The following C1QTNF7 variants were observed in gnomAD, a reference collection of about 807,000 sequenced individuals.
The protein encoded by C1QTNF7 is complement C1q tumor necrosis factor-related protein 7.
In C1QTNF7, 15 loss-of-function variants were observed where a neutral mutation model predicts 19.6. That is an observed-to-expected ratio of 0.76 (90% CI 0.51 to 1.18). The LOEUF is 1.18. Ranked by LOEUF, C1QTNF7 falls within the 50% of genes most tolerant of loss-of-function variation. C1QTNF7 has a pLI of 0.00. For missense variants in C1QTNF7, 324 were observed against 359.7 expected, an observed-to-expected ratio of 0.90 and a Z score of 0.80; for synonymous variants, 142 against 137.5, an observed-to-expected ratio of 1.03 and a Z score of -0.23.
chr4:15,348,601 T>C (rs992843387), intron 1 of C1QTNF7, among the ~76,000 whole-genome samples: 33 of 152,288 alleles, frequency 2.2e-4, no homozygotes, highest in Middle Eastern at 3.4e-3. Flanking sequence ...AGACTTAGGT[T>C]GCATGCCTTA....
intron 1 of C1QTNF7, among the ~76,000 whole-genome samples, chr4:15,357,484 G>A (rs1017079728): frequency 4.6e-5 from 7 of 152,116 alleles, no homozygotes; most frequent in Non-Finnish European, 7.4e-5. Context: ...TTTTGTTACT[G>A]CAGCCTTGTA....
chr4:15,445,624 C>A lies in C1QTNF7; in HGVS notation c.*2825C>A, dbSNP rs961830454. ...AAAGAGGAGCTGTTTTGGTATTAAACGAATAAAATCTTAAGCAAATATAGG... is the reference window on the plus strand; with the variant it reads ...AAAGAGGAGCTGTTTTGGTATTAAAAGAATAAAATCTTAAGCAAATATAGG... On this transcript the variant is annotated 3_prime_UTR_variant, in exon 3 of 3. Transcript: ENST00000444304. The A allele has an allele frequency of 1.2e-4, 18 of 152,086 alleles. No individual in the cohort carries two copies. Among genetic ancestry groups the A allele is most frequent in the African/African-American group, 4.3e-4 (18 of 41,430 alleles). The allele number at this position is 152,086 out of a possible 1,614,324, so 9.4% of individuals were successfully genotyped here.
intron 1 of C1QTNF7, among the ~76,000 whole-genome samples, chr4:15,387,975 A>G (rs1343642490): frequency 6.6e-6 from 1 of 152,316 alleles, no homozygotes; most frequent in East Asian, 1.9e-4. Flanking sequence ...GATGGTATCC[A>G]GGGCACAGGT....
chr4:15,377,751 A>G (rs959671544), intron 1 of C1QTNF7, among the ~76,000 whole-genome samples: 4 of 152,176 alleles, frequency 2.6e-5, no homozygotes, highest in African/African-American at 9.7e-5. Context: ...TTGAAGCAAA[A>G]TATCCCTGAC....
chr4:15,437,412 G>A (rs1191226299), intron 2 of C1QTNF7, among the ~76,000 whole-genome samples: 1 of 152,012 alleles, frequency 6.6e-6, no homozygotes, highest in Non-Finnish European at 1.5e-5. Flanking sequence ...ACTGCCATGT[G>A]ATAAAAACTC....
chr4:15,436,055 T>C, intron 2 of C1QTNF7, 74 bp downstream of exon 2: 1 of 1,536,566 alleles, frequency 6.5e-7, no homozygotes, highest in South Asian at 1.3e-5. Context: ...CTTTGTTACT[T>C]TTTCTAATGG....
chr4:15,371,554 T>C (rs1284813780), intron 1 of C1QTNF7, among the ~76,000 whole-genome samples: 1 of 152,122 alleles, frequency 6.6e-6, no homozygotes, highest in Non-Finnish European at 1.5e-5. Context: ...CAAATTATCT[T>C]AGAAATATAT....
At chr4:15,437,980 C>G (rs1455814830) in intron 2 of C1QTNF7, among the ~76,000 whole-genome samples, 3 of 152,158 alleles carry the variant, frequency 2.0e-5, no homozygotes, top group African/African-American at 7.2e-5. Flanking sequence ...AGACATTGTT[C>G]TTGCCTTGAT....
chr4:15,383,617 A>C (rs1718227016), intron 1 of C1QTNF7, among the ~76,000 whole-genome samples: 2 of 152,264 alleles, frequency 1.3e-5, no homozygotes, highest in South Asian at 4.1e-4. Flanking sequence ...AATGAAATTT[A>C]GGAAATTTAC....
At chr4:15,433,317 C>CT (rs1158027916) in intron 1 of C1QTNF7, among the ~76,000 whole-genome samples, 7 of 151,690 alleles carry the variant, frequency 4.6e-5, no homozygotes, top group Non-Finnish European at 8.8e-5. Context: ...CACACCCAGC[C>CT]TTTTTTTTCT....
chr4:15,418,346 C>T (rs1249304295), intron 1 of C1QTNF7, among the ~76,000 whole-genome samples: 1 of 152,190 alleles, frequency 6.6e-6, no homozygotes, highest in Non-Finnish European at 1.5e-5. Context: ...AAGCCAACCT[C>T]TTCAGGCCCT....
At chr4:15,421,962 T>C (rs574683679) in intron 1 of C1QTNF7, among the ~76,000 whole-genome samples, 1 of 152,258 alleles carries the variant, frequency 6.6e-6, no homozygotes, top group African/African-American at 2.4e-5. Context: ...ATTCTATTTA[T>C]ATGACACTCT....
intron 1 of C1QTNF7, among the ~76,000 whole-genome samples, chr4:15,355,567 T>C (rs1279103651): frequency 6.6e-6 from 1 of 151,808 alleles, no homozygotes; most frequent in Non-Finnish European, 1.5e-5. Flanking sequence ...GTGTATGTTC[T>C]CCAAAGCTTA....
intron 1 of C1QTNF7, among the ~76,000 whole-genome samples, chr4:15,367,043 T>A (rs980047402): frequency 1.3e-5 from 2 of 152,194 alleles, no homozygotes; most frequent in African/African-American, 4.8e-5. Context: ...TAATGAAAAT[T>A]GCTGAGATTT....
chr4:15,375,147 T>C (rs1717888362), intron 1 of C1QTNF7, among the ~76,000 whole-genome samples: 1 of 152,002 alleles, frequency 6.6e-6, no homozygotes, highest in Admixed American at 6.5e-5. Flanking sequence ...AGAATTGTCA[T>C]CGTGTCCATT....
chr4:15,354,946 C>G (rs1371117489), intron 1 of C1QTNF7, among the ~76,000 whole-genome samples: 2 of 152,192 alleles, frequency 1.3e-5, no homozygotes, highest in East Asian at 3.9e-4. Flanking sequence ...TGTGTTTCAC[C>G]ACAGGATTCT....
At chr4:15,375,132 A>G (rs1717888096) in intron 1 of C1QTNF7, among the ~76,000 whole-genome samples, 1 of 152,018 alleles carries the variant, frequency 6.6e-6, no homozygotes, top group East Asian at 1.9e-4. Context: ...CCTACTCTGA[A>G]AAACAGAATT....
chr4:15,347,042 T>C (rs1716744051), intron 1 of C1QTNF7, among the ~76,000 whole-genome samples: 1 of 152,324 alleles, frequency 6.6e-6, no homozygotes, highest in Middle Eastern at 3.4e-3. Flanking sequence ...ACAAAAAAAA[T>C]GGCAACTTTA....
intron 1 of C1QTNF7, among the ~76,000 whole-genome samples, chr4:15,385,679 G>A (rs1422105061): frequency 2.0e-5 from 3 of 152,260 alleles, no homozygotes; most frequent in Admixed American, 1.3e-4. Flanking sequence ...AGTCCACTCC[G>A]ATCTGAAAGT....
Sources: allele counts gnomAD v4.1 joint callset (sites outside exome capture counted in the v4.1 genomes callset), GRCh38; gene constraint gnomAD v4.1.1; transcripts MANE v1.5; gene names NCBI Gene and HGNC (gene_info 2026-07-23, HGNC 2026-07-21).